Variants in AIG1 observed in about 807,000 individuals in gnomAD.
AIG1 encodes androgen-induced gene 1 protein.
Under a neutral mutation model 31.4 loss-of-function variants are expected in AIG1, and 23 were observed. That is an observed-to-expected ratio of 0.73 (90% CI 0.53 to 1.04). The LOEUF (loss-of-function observed/expected upper bound fraction) is 1.04. AIG1 is among the 50% of genes least tolerant of loss of function. The pLI, the probability that AIG1 is intolerant of heterozygous loss-of-function variation, is 0.00. For synonymous variants in AIG1, 100 were observed against 110.5 expected (o/e 0.90, Z 0.60); for missense variants, 274 against 295.0 (o/e 0.93, Z 0.52).
intron 1 of AIG1, among the ~76,000 whole-genome samples, chr6:143,124,175 G>A (rs1364544899): frequency 2.0e-5 from 3 of 152,162 alleles, no homozygotes; most frequent in Non-Finnish European, 2.9e-5. Flanking sequence ...TTAGCAGACT[G>A]GATTTTATGA....
Position 143,161,553 on chromosome 6 carries a change from A to ATG in AIG1, c.298-3515_298-3514dup, listed in dbSNP as rs558102779. ...ATTATATATATATGTGTGTATATAT[A>ATG]TGTGTGTGTGTGTGTACATATATAT... On this transcript the variant is annotated intron_variant, in intron 2 of 5. Coordinates refer to ENST00000357847, the MANE Select transcript of AIG1 (RefSeq NM_016108.4). 4.0e-3 allele frequency among the ~76,000 whole-genome samples: 597 copies of ATG among 150,028 alleles called. 5 individuals carry two copies. The highest frequency in any genetic ancestry group is 0.01 in the African/African-American group (413 of 41,010).
At chr6:143,310,263 G>C (rs546188989) in intron 4 of AIG1, among the ~76,000 whole-genome samples, 5 of 151,852 alleles carry the variant, frequency 3.3e-5, no homozygotes, top group African/African-American at 1.2e-4. Flanking sequence ...TATCTTAACA[G>C]AGTTAAAAAA....
intron 1 of AIG1, among the ~76,000 whole-genome samples, chr6:143,064,861 A>T (rs530315645): frequency 6.6e-6 from 1 of 152,348 alleles, no homozygotes; most frequent in South Asian, 2.1e-4. Context: ...TGTGAGCAAT[A>T]AAGCTTTTAA....
intron 3 of AIG1, among the ~76,000 whole-genome samples, chr6:143,227,022 G>A (rs1308630970): frequency 1.6e-5 from 2 of 126,752 alleles, no homozygotes; most frequent in South Asian, 2.4e-4. Context: ...ATCAGCTATC[G>A]TTAGTGTTTA....
intron 3 of AIG1, among the ~76,000 whole-genome samples, chr6:143,239,293 G>T (rs1026417254): frequency 6.6e-6 from 1 of 152,180 alleles, no homozygotes; most frequent in Admixed American, 6.5e-5. Context: ...AAGTCCAGTG[G>T]AATCTCGTAA....
At chr6:143,124,879 C>T (rs772081593) in intron 1 of AIG1, among the ~76,000 whole-genome samples, 2 of 152,136 alleles carry the variant, frequency 1.3e-5, no homozygotes, top group Non-Finnish European at 2.9e-5. Flanking sequence ...ATTACCTCCA[C>T]CTGGTCCTGC....
At chr6:143,062,523 G>T (rs1027406236) in intron 1 of AIG1, among the ~76,000 whole-genome samples, 2 of 152,266 alleles carry the variant, frequency 1.3e-5, no homozygotes, top group Non-Finnish European at 1.5e-5. Context: ...CTTTATATTT[G>T]ATTGAACAAC....
chr6:143,071,204 T>C lies in AIG1; in HGVS notation c.141+10138T>C, dbSNP rs576011639. Among the ~76,000 whole-genome samples the C allele has an allele frequency of 7.6e-4, 115 of 152,222 alleles. 1 individual carries two copies. Among genetic ancestry groups the C allele is most frequent in the Admixed American group, 2.6e-4 (4 of 15,278 alleles). ...ACCATACATATGTGACTTCTGGGGATTGCTTTTTTTAAAAATCAGAATAAT... is the reference window on the plus strand; with the variant it reads ...ACCATACATATGTGACTTCTGGGGACTGCTTTTTTTAAAAATCAGAATAAT... On this transcript the variant is annotated intron_variant, in intron 1 of 5. Coordinates refer to ENST00000357847, the MANE Select transcript of AIG1 (RefSeq NM_016108.4).
At chr6:143,295,341 G>A (rs1045415921) in intron 4 of AIG1, among the ~76,000 whole-genome samples, 1 of 152,134 alleles carries the variant, frequency 6.6e-6, no homozygotes, top group Non-Finnish European at 1.5e-5. Context: ...ATAAACAAAT[G>A]TCATCATGCT....
Position 143,268,832 on chromosome 6 carries a change from G to A in AIG1, c.400-15278G>A, listed in dbSNP as rs1174637708. On this transcript the variant is annotated intron_variant, in intron 3 of 5. Transcript: ENST00000357847. The surrounding 1 kb of genome is among the most constrained non-coding windows in gnomAD (Gnocchi z 5.0). ...TTGGACTTACTTCCCCAGCAGGTGG[G>A]AGTGCCGTCAGTTTCAGCCCTCTGC... 3.3e-5 allele frequency among the ~76,000 whole-genome samples: 5 copies of A among 152,232 alleles called. No homozygotes were observed. Among genetic ancestry groups the A allele is most frequent in the African/African-American group, 1.2e-4 (5 of 41,468 alleles).
chr6:143,237,212 C>A (rs1793872816), intron 3 of AIG1, among the ~76,000 whole-genome samples: 1 of 152,190 alleles, frequency 6.6e-6, no homozygotes, highest in Admixed American at 6.5e-5. Flanking sequence ...TGTCACACAT[C>A]CATTAGCAAT....
intron 3 of AIG1, among the ~76,000 whole-genome samples, chr6:143,253,842 T>C (rs986816501): frequency 6.6e-6 from 1 of 152,142 alleles, no homozygotes; most frequent in African/African-American, 2.4e-5. Flanking sequence ...TTGTTTACAT[T>C]GAATCTCATG....
rs760340815 is a variant in AIG1 at position 143,092,279 on chromosome 6, ATT to A, written c.141+31232_141+31233del. Among the ~76,000 whole-genome samples the A allele has an allele frequency of 3.0e-3, 356 of 117,632 alleles. 3 individuals carry two copies. In the East Asian group the frequency reaches 0.054, roughly 18 times the overall value. The allele number at this position is 117,632 out of a possible 152,430, so 77.2% of individuals were successfully genotyped here. A position where few individuals can be genotyped will look rare whatever the true frequency, so the allele number is the denominator to read the frequency against. On this transcript the variant is annotated intron_variant, in intron 1 of 5. Coordinates refer to ENST00000357847, the MANE Select transcript of AIG1 (RefSeq NM_016108.4). ...ATCACCATGCTGGGCTAATTTTTTG[ATT>A]TTTTTTTTTTTTTTTTTTGTAGAGA...
At chr6:143,201,369 AT>A (rs1371850521) in intron 3 of AIG1, among the ~76,000 whole-genome samples, 1 of 152,088 alleles carries the variant, frequency 6.6e-6, no homozygotes, top group Admixed American at 6.6e-5. Context: ...AAAAAAAAAA[AT>A]CTTAAAAATT....
chr6:143,240,421 T>A lies in AIG1; in HGVS notation c.400-43689T>A, dbSNP rs571663591. On this transcript the variant is annotated intron_variant, in intron 3 of 5. Transcript: ENST00000357847. Reference sequence around the variant, plus strand: ...GAGAAGTTACATGTGGCAAGTCTATTGATCTTAACATGGCAAGATAATAGC... The same window carrying A: ...GAGAAGTTACATGTGGCAAGTCTATAGATCTTAACATGGCAAGATAATAGC... Among the ~76,000 whole-genome samples, 85 of 152,386 alleles carry A rather than the reference T, an allele frequency of 5.6e-4. 1 individual carries two copies. Among genetic ancestry groups the A allele is most frequent in the Non-Finnish European group, 4.0e-4 (27 of 68,038 alleles).
At chr6:143,152,761 C>T (rs184546858) in intron 2 of AIG1, among the ~76,000 whole-genome samples, 79 of 152,282 alleles carry the variant, frequency 5.2e-4, no homozygotes, top group African/African-American at 1.7e-3. Flanking sequence ...GCCTTATTTT[C>T]GCCACACCCT....
intron 3 of AIG1, among the ~76,000 whole-genome samples, chr6:143,251,351 C>T (rs1465202366): frequency 6.6e-6 from 1 of 152,152 alleles, no homozygotes; most frequent in African/African-American, 2.4e-5. Flanking sequence ...CGTGCCCGGC[C>T]GATTGTTGTT....
chr6:143,067,482 G>A (rs889124700), intron 1 of AIG1, among the ~76,000 whole-genome samples: 1 of 152,120 alleles, frequency 6.6e-6, no homozygotes, highest in African/African-American at 2.4e-5. Flanking sequence ...ATAGTCAAGT[G>A]TACCTGGACG....
At chr6:143,304,166 T>C (rs1799062355) in intron 4 of AIG1, among the ~76,000 whole-genome samples, 2 of 152,128 alleles carry the variant, frequency 1.3e-5, no homozygotes, top group Admixed American at 1.3e-4. Flanking sequence ...TCATGTCATC[T>C]ACAAACAGGG....
Sources: gnomAD v4.1 joint callset for allele counts (sites outside exome capture counted in the v4.1 genomes callset) on GRCh38, gnomAD v4.1.1 for gene constraint, Gnocchi (gnomAD v3.1) non-coding constraint, MANE v1.5 for transcripts, NCBI Gene and HGNC (gene_info 2026-07-23, HGNC 2026-07-21) for gene names.